TBL1X: variants seen among roughly 807,000 people sequenced by gnomAD.
TBL1X encodes the protein transducin beta like 1 X-linked, also known as F-box-like/WD repeat-containing protein TBL1X.
TBL1X carries 10 observed loss-of-function variants against 50.7 expected under a neutral mutation model. The ratio of observed to expected loss-of-function variants is 0.20; its 90% CI spans 0.12 to 0.33. TBL1X has a LOEUF of 0.33. Ranked by LOEUF, TBL1X falls within the 10% of genes least tolerant of loss-of-function variation. The pLI is 1.00. For missense variants in TBL1X, 340 were observed against 504.4 expected (o/e 0.67, Z 3.12); for synonymous variants, 190 against 214.7 (o/e 0.88, Z 1.01).
At chrX:9,583,139 C>T (rs2082451063) in intron 2 of TBL1X, among the ~76,000 whole-genome samples, 1 of 112,425 alleles carries the variant, frequency 8.9e-6, no homozygotes, top group East Asian at 2.8e-4. Flanking sequence ...GGTGGTCAGG[C>T]GGCAGCAGGG....
chrX:9,606,492 G>A (rs1037675749), intron 2 of TBL1X, among the ~76,000 whole-genome samples: 1 of 110,720 alleles, frequency 9.0e-6, no homozygotes, highest in Non-Finnish European at 1.9e-5. Context: ...CAGCCTGGGT[G>A]ACACAGTGAG....
At chrX:9,700,434 C>T (rs2083162351) in intron 12 of TBL1X, among the ~76,000 whole-genome samples, 1 of 112,006 alleles carries the variant, frequency 8.9e-6, no homozygotes, top group Admixed American at 9.5e-5. Context: ...GTTTCCTACC[C>T]AGCTGACCCA....
intron 6 of TBL1X, among the ~76,000 whole-genome samples, chrX:9,687,276 A>G (rs930517261): frequency 2.7e-5 from 3 of 112,537 alleles, no homozygotes; most frequent in African/African-American, 9.7e-5. Flanking sequence ...TGTCATGGCT[A>G]TGGTTAGTCT....
intron 2 of TBL1X, among the ~76,000 whole-genome samples, chrX:9,566,855 T>C (rs1292713591): frequency 9.0e-6 from 1 of 111,708 alleles, no homozygotes; most frequent in East Asian, 2.8e-4. Context: ...AACAGGAAAA[T>C]GGTATCTCAG....
chrX:9,698,396 A>G (rs1305067402), intron 12 of TBL1X, among the ~76,000 whole-genome samples: 8 of 111,956 alleles, frequency 7.1e-5, no homozygotes. Flanking sequence ...CAGCACAAGA[A>G]TTTAGTGCAA....
chrX:9,621,779 C>T (rs1169893971), intron 2 of TBL1X, among the ~76,000 whole-genome samples: 1 of 111,661 alleles, frequency 9.0e-6, no homozygotes, highest in Non-Finnish European at 1.9e-5. Flanking sequence ...TTTAATGAAC[C>T]GAAGTGTGCC....
At chrX:9,700,125 G>A (rs2083160150) in intron 12 of TBL1X, among the ~76,000 whole-genome samples, 1 of 112,055 alleles carries the variant, frequency 8.9e-6, no homozygotes, top group Non-Finnish European at 1.9e-5. Flanking sequence ...AATCAAAGCA[G>A]GTGGCTAGTG....
At chrX:9,712,761 G>C (rs1375505962) in intron 16 of TBL1X, among the ~76,000 whole-genome samples, 1 of 111,837 alleles carries the variant, frequency 8.9e-6, no homozygotes. Context: ...GGGTATCTTG[G>C]GCCACACCTG....
chrX:9,472,739 C>A (rs1411615282), intron 1 of TBL1X, among the ~76,000 whole-genome samples: 1 of 109,840 alleles, frequency 9.1e-6, no homozygotes, highest in Non-Finnish European at 1.9e-5. Context: ...CGGTGAAACC[C>A]CGTCTCTACT....
At chrX:9,645,669 A>G (rs1468989775) in intron 3 of TBL1X, among the ~76,000 whole-genome samples, 1 of 112,201 alleles carries the variant, frequency 8.9e-6, no homozygotes, top group African/African-American at 3.2e-5. Flanking sequence ...CTAATGGGAA[A>G]TTTTTTACTT....
In TBL1X at chrX:9,692,161, C is replaced by T. The variant is rs763679092; in HGVS notation, c.798C>T (p.Asn266=). The change falls in exon 9 of 18, where the codon AAC becomes AAT. Residue 266 remains asparagine (N), a synonymous_variant. Coordinates refer to ENST00000645353, the MANE Select transcript of TBL1X (RefSeq NM_005647.4). The stretch of plus-strand genomic sequence containing the variant: ...TATGGAACCTGAATGAGAATAGCAA[C>T]GGGGGCTCCACCCAGCTCGTGTTGA... The part of the protein sequence containing the change: ...ARIWNLNENS[N]GGSTQLVLRH... The T allele has an allele frequency of 1.4e-5, 17 of 1,209,574 alleles. No homozygotes were observed. The East Asian group carries it at 3.6e-4, about 25-fold the overall frequency.
intron 3 of TBL1X, among the ~76,000 whole-genome samples, chrX:9,643,168 C>G (rs1399962503): frequency 9.0e-6 from 1 of 111,415 alleles, no homozygotes; most frequent in Non-Finnish European, 1.9e-5. Context: ...TCTCCACCCC[C>G]AAGATAACCT....
chrX:9,557,833 G>T (rs1470228475), intron 2 of TBL1X, among the ~76,000 whole-genome samples: 1 of 112,016 alleles, frequency 8.9e-6, no homozygotes, highest in Non-Finnish European at 1.9e-5. Flanking sequence ...TTTAATGGGC[G>T]TGGAGAACCC....
chrX:9,616,220 C>G (rs1381093015), intron 2 of TBL1X, among the ~76,000 whole-genome samples: 1 of 111,724 alleles, frequency 9.0e-6, no homozygotes, highest in Non-Finnish European at 1.9e-5. Context: ...GAAAAGAATA[C>G]AGTAAAAGTG....
At chrX:9,667,254 C>T (rs1048815181) in intron 5 of TBL1X, among the ~76,000 whole-genome samples, 1 of 111,543 alleles carries the variant, frequency 9.0e-6, no homozygotes, top group Non-Finnish European at 1.9e-5. Context: ...GAGCGAGACT[C>T]CGTTCCCCCC....
At chrX:9,652,898 G>A (rs766879828) in intron 3 of TBL1X, among the ~76,000 whole-genome samples, 2 of 111,314 alleles carry the variant, frequency 1.8e-5, no homozygotes, top group South Asian at 7.5e-4. Flanking sequence ...CAGGTGTGGT[G>A]GCTCACGCCC....
Position 9,716,595 on chromosome X carries a change from CAA to C in TBL1X, c.*357_*358del. 1 of 135,809 alleles carries C rather than the reference CAA, an allele frequency of 7.4e-6. No homozygotes were observed. Among genetic ancestry groups the C allele is most frequent in the Non-Finnish European group, 1.4e-5 (1 of 70,624 alleles). The allele number at this position is 135,809 out of a possible 1,213,427, so 11.2% of individuals were successfully genotyped here. On this transcript the variant is annotated 3_prime_UTR_variant, in exon 18 of 18. Transcript: ENST00000645353. The stretch of plus-strand genomic sequence containing the variant: ...TGGAAAGAAACGTAAAAAGCTGTGC[CAA>C]AAAAAAAGCAAAATGCTGTGATAAA...
At chrX:9,505,143 G>T (rs950009983) in intron 2 of TBL1X, among the ~76,000 whole-genome samples, 1 of 111,884 alleles carries the variant, frequency 8.9e-6, no homozygotes, top group South Asian at 3.7e-4. Flanking sequence ...AGAAGAGATT[G>T]GGGGCCAATA....
At chrX:9,522,570 C>T (rs915552431) in intron 2 of TBL1X, among the ~76,000 whole-genome samples, 1 of 111,642 alleles carries the variant, frequency 9.0e-6, no homozygotes, top group African/African-American at 3.3e-5. Flanking sequence ...TATCCCACAC[C>T]CCAGAACTTG....
Sources: gnomAD v4.1 joint callset for allele counts (sites outside exome capture counted in the v4.1 genomes callset) on GRCh38, gnomAD v4.1.1 for gene constraint, MANE v1.5 for transcripts, NCBI Gene and HGNC (gene_info 2026-07-23, HGNC 2026-07-21) for gene names.